ANK2: variants seen among roughly 807,000 people sequenced by gnomAD.
ANK2 encodes the protein ankyrin-2.
A neutral mutation model predicts 360.5 loss-of-function variants in ANK2; 83 were observed. The observed-to-expected ratio is 0.23, with a 90% CI of 0.19 to 0.28. ANK2 has a LOEUF of 0.28. Among genes scored for constraint, ANK2 ranks in the 10% least tolerant of loss-of-function variants. ANK2 has a pLI of 1.00. For missense variants in ANK2, 4,201 were observed against 4,795.7 expected (o/e 0.88, Z 3.66); for synonymous variants, 1,740 against 1,759.5 (o/e 0.99, Z 0.28).
chr4:112,878,825 CG>C (rs937931831), intron 1 of ANK2, among the ~76,000 whole-genome samples: 135 of 151,752 alleles, frequency 8.9e-4, no homozygotes, highest in African/African-American at 2.9e-3. Context: ...TTAGTAGAGA[CG>C]GGGTTTCACC....
chr4:112,821,363 T>C (rs1284393329), intron 1 of ANK2, among the ~76,000 whole-genome samples: 3 of 152,172 alleles, frequency 2.0e-5, no homozygotes, highest in African/African-American at 7.2e-5. Context: ...TTGGGAAATC[T>C]TTACAGAGAA....
chr4:112,948,394 GT>G (rs779094434), intron 2 of ANK2, among the ~76,000 whole-genome samples: 14 of 149,188 alleles, frequency 9.4e-5, no homozygotes, highest in South Asian at 2.1e-4. Context: ...AGTTGAACAT[GT>G]TTTTTTTTTA....
intron 7 of ANK2, among the ~76,000 whole-genome samples, chr4:113,238,117 T>C (rs2099398125): frequency 6.6e-6 from 1 of 152,176 alleles, no homozygotes; most frequent in African/African-American, 2.4e-5. Flanking sequence ...GCAGACCAAT[T>C]GCTTTTTCTT....
At chr4:113,348,695 T>C (rs1207268860) in intron 36 of ANK2, among the ~76,000 whole-genome samples, 2 of 152,104 alleles carry the variant, frequency 1.3e-5, no homozygotes, top group Non-Finnish European at 2.9e-5. Flanking sequence ...AGACATTATT[T>C]GCCTTTTAAA....
chr4:112,794,660 C>T, the ANK2 span, among the ~76,000 whole-genome samples: 1 of 152,178 alleles, frequency 6.6e-6, no homozygotes. Context: ...GTACTGAATG[C>T]AGAGATAAAG....
At chr4:113,084,630 TAAAAGGGGAG>T (rs1478686604) in intron 1 of ANK2, among the ~76,000 whole-genome samples, 1 of 152,142 alleles carries the variant, frequency 6.6e-6, no homozygotes, top group African/African-American at 2.4e-5. Flanking sequence ...TTCCCAAGGG[TAAAAGGGGAG>T]AAACTATTTT....
At chr4:113,003,268 GAATA>G (rs2051478916) in intron 2 of ANK2, among the ~76,000 whole-genome samples, 1 of 152,138 alleles carries the variant, frequency 6.6e-6, no homozygotes, top group Non-Finnish European at 1.5e-5. Context: ...AAGAAGATAT[GAATA>G]AATAGATAGG....
At chr4:112,894,505 A>T (rs938021707) in intron 1 of ANK2, among the ~76,000 whole-genome samples, 1 of 152,226 alleles carries the variant, frequency 6.6e-6, no homozygotes, top group Non-Finnish European at 1.5e-5. Flanking sequence ...TGTTCTATGT[A>T]AGAGTTGACG....
intron 1 of ANK2, among the ~76,000 whole-genome samples, chr4:112,897,419 T>C (rs959924502): frequency 6.6e-6 from 1 of 152,212 alleles, no homozygotes; most frequent in African/African-American, 2.4e-5. Context: ...GTTATTTGCA[T>C]ACATGGTTAT....
chr4:113,263,834 C>A (rs1268086559), intron 13 of ANK2, among the ~76,000 whole-genome samples: 3 of 152,276 alleles, frequency 2.0e-5, no homozygotes, highest in African/African-American at 7.2e-5. Context: ...TGAAACCCTG[C>A]CTTCTTTAGA....
intron 1 of ANK2, among the ~76,000 whole-genome samples, chr4:113,086,004 G>A (rs1340463800): frequency 2.0e-5 from 3 of 152,104 alleles, no homozygotes; most frequent in African/African-American, 7.2e-5. Flanking sequence ...CCCATAGGCT[G>A]TAAGTTAATT....
the ANK2 span, chr4:112,788,352 C>A: frequency 6.5e-7 from 1 of 1,549,928 alleles, no homozygotes. Flanking sequence ...TAAGGGACCA[C>A]CATTTTACGA....
intron 14 of ANK2, among the ~76,000 whole-genome samples, chr4:113,267,172 T>C (rs779596709): frequency 2.0e-5 from 3 of 152,234 alleles, no homozygotes; most frequent in Non-Finnish European, 4.4e-5. Context: ...ATGGATAGAT[T>C]GTAAAATTTT....
In ANK2 at chr4:113,320,512, CGTG is replaced by C. The variant is rs1405382124; in HGVS notation, c.2900+1902_2900+1904del. Among the ~76,000 whole-genome samples the C allele has an allele frequency of 1.8e-4, 28 of 152,046 alleles. No homozygotes were observed. In the East Asian group the frequency reaches 4.5e-3, roughly 24 times the overall value. On this transcript the variant is annotated intron_variant, in intron 26 of 45. Transcript: ENST00000357077. ...ACTAAAAATACAAAAATTAGCCGGG[CGTG>C]GTGGTGGTGCACACCTGTAATCCCA...
chr4:112,884,099 T>A (rs1477078671), intron 1 of ANK2, among the ~76,000 whole-genome samples: 1 of 152,112 alleles, frequency 6.6e-6, no homozygotes, highest in Non-Finnish European at 1.5e-5. Context: ...GATAAGTAAT[T>A]ATGAGAAACT....
intron 2 of ANK2, among the ~76,000 whole-genome samples, chr4:112,986,741 G>T (rs1323174905): frequency 6.6e-6 from 1 of 152,154 alleles, no homozygotes. Context: ...AATATCAAAT[G>T]GGGAAAAATT....
chr4:112,788,613 C>T, the ANK2 span: 19 of 1,594,976 alleles, frequency 1.2e-5, no homozygotes, highest in South Asian at 1.2e-4. Flanking sequence ...AGCTGTTTGG[C>T]GGTCCAGGGC....
chr4:113,196,604 C>G, intron 3 of ANK2, 138 bp downstream of exon 3: 1 of 805,016 alleles, frequency 1.2e-6, no homozygotes, highest in Non-Finnish European at 2.0e-6. Context: ...CACGGCTCAC[C>G]GAAACCTCCA....
chr4:112,965,262 A>G lies in ANK2; in HGVS notation c.21+60748A>G, dbSNP rs535831070. On this transcript the variant is annotated intron_variant, in intron 2 of 30. Transcript: ENST00000503271. ...TTTCTCTGATGATCAATGATGTTGC[A>G]CACCTTTTCATATGCCTGTTTGCCA... 1.9e-4 allele frequency among the ~76,000 whole-genome samples: 29 copies of G among 152,270 alleles called. 1 individual carries two copies. In the East Asian group the frequency reaches 5.0e-3, roughly 26 times the overall value.
Sources: gnomAD v4.1 joint callset for allele counts (sites outside exome capture counted in the v4.1 genomes callset) on GRCh38, gnomAD v4.1.1 for gene constraint, MANE v1.5 for transcripts, NCBI Gene and HGNC (gene_info 2026-07-23, HGNC 2026-07-21) for gene names.